Variants in CACNA1D observed in about 807,000 individuals in gnomAD.
CACNA1D encodes calcium voltage-gated channel subunit alpha1 D, also known as voltage-dependent L-type calcium channel subunit alpha-1D.
A neutral mutation model predicts 257.1 loss-of-function variants in CACNA1D; 55 were observed. The ratio of observed to expected loss-of-function variants is 0.21; its 90% CI spans 0.17 to 0.27. CACNA1D has a LOEUF of 0.27. CACNA1D is among the 10% of genes least tolerant of loss of function. The pLI is 1.00. For synonymous variants in CACNA1D, 980 were observed against 1,014.9 expected (o/e 0.97, Z 0.65); for missense variants, 1,876 against 2,784.0 (o/e 0.67, Z 7.34).
chr3:53,563,736 T>G (rs1249866983), intron 3 of CACNA1D, among the ~76,000 whole-genome samples: 1 of 152,218 alleles, frequency 6.6e-6, no homozygotes, highest in African/African-American at 2.4e-5. Flanking sequence ...TAGTTTTCAT[T>G]GTTCTTTTGT....
chr3:53,680,473 G>A (rs62251938), intron 8 of CACNA1D, among the ~76,000 whole-genome samples: 30,783 of 151,978 alleles, frequency 0.2, 3,615 homozygotes, highest in East Asian at 0.45. Flanking sequence ...TTCTCTGTCC[G>A]CAGTTCCCCC....
At chr3:53,736,600 G>GTTA (rs1403572664) in intron 20 of CACNA1D, among the ~76,000 whole-genome samples, 1 of 152,084 alleles carries the variant, frequency 6.6e-6, no homozygotes, top group Non-Finnish European at 1.5e-5. Context: ...TATACAAAGA[G>GTTA]TTATTAATTG....
chr3:53,597,992 G>T (rs2093392102), intron 3 of CACNA1D, among the ~76,000 whole-genome samples: 1 of 152,164 alleles, frequency 6.6e-6, no homozygotes, highest in Non-Finnish European at 1.5e-5. Context: ...TTTCCTGGCA[G>T]TTTGATGTTT....
At chr3:53,710,393 A>C (rs1242996647) in intron 9 of CACNA1D, 2 of 456,612 alleles carry the variant, frequency 4.4e-6, no homozygotes, top group Non-Finnish European at 8.8e-6. Context: ...TTCAACCTGA[A>C]GGGGTCACAG....
intron 39 of CACNA1D, chr3:53,782,258 G>GTATATATATATA (rs1475863956): frequency 1.9e-5 from 1 of 52,136 alleles, no homozygotes; most frequent in Non-Finnish European, 3.2e-5. Context: ...GTGTGTGTGT[G>GTATATATATATA]TGTGTGTATA....
chr3:53,730,616 T>A, intron 16 of CACNA1D, 60 bp downstream of exon 16: 1 of 1,254,800 alleles, frequency 8.0e-7, no homozygotes, highest in Non-Finnish European at 1.2e-6. Context: ...CCTGCAACAG[T>A]TGCAGCCTGC....
chr3:53,677,475 T>C (rs1374461655), intron 8 of CACNA1D, among the ~76,000 whole-genome samples: 1 of 152,250 alleles, frequency 6.6e-6, no homozygotes, highest in African/African-American at 2.4e-5. Context: ...TAAAGGGTTT[T>C]TCTAATTTAA....
At chr3:53,621,078 C>T (rs1487579659) in intron 3 of CACNA1D, among the ~76,000 whole-genome samples, 3 of 152,180 alleles carry the variant, frequency 2.0e-5, no homozygotes, top group Non-Finnish European at 4.4e-5. Context: ...CCTTCCTTAC[C>T]CCATTGAGTA....
intron 12 of CACNA1D, 91 bp downstream of exon 12, chr3:53,722,565 T>G: frequency 7.8e-7 from 1 of 1,278,130 alleles, no homozygotes; most frequent in Non-Finnish European, 1.1e-6. Context: ...CGCTGCATGA[T>G]GAAGTATCGC....
intron 15 of CACNA1D, among the ~76,000 whole-genome samples, chr3:53,730,042 T>C (rs1289403893): frequency 6.6e-6 from 1 of 150,564 alleles, no homozygotes; most frequent in Non-Finnish European, 1.5e-5. Context: ...AGTTGTAGTA[T>C]GTGTTTAAAA....
chr3:53,513,712 C>T (rs867834365), intron 3 of CACNA1D, among the ~76,000 whole-genome samples: 1 of 152,228 alleles, frequency 6.6e-6, no homozygotes, highest in African/African-American at 2.4e-5. Context: ...TTCACATTCA[C>T]TCATCACTAC....
intron 12 of CACNA1D, 96 bp downstream of exon 12, chr3:53,722,570 T>A: frequency 1.6e-6 from 2 of 1,231,792 alleles, no homozygotes; most frequent in Non-Finnish European, 2.4e-6. Flanking sequence ...CATGATGAAG[T>A]ATCGCAACAT....
chr3:53,755,306 T>A (rs1056148710), intron 29 of CACNA1D, among the ~76,000 whole-genome samples: 1 of 152,128 alleles, frequency 6.6e-6, no homozygotes, highest in South Asian at 2.1e-4. Flanking sequence ...GAAAGCACAC[T>A]CACCCATGGT....
intron 3 of CACNA1D, among the ~76,000 whole-genome samples, chr3:53,556,270 A>G (rs1362432514): frequency 6.6e-6 from 1 of 152,242 alleles, no homozygotes; most frequent in Non-Finnish European, 1.5e-5. Context: ...ATAGATGTTC[A>G]CTAGCGTAAA....
At chr3:53,528,735 TTTTA>T (rs1187738742) in intron 3 of CACNA1D, among the ~76,000 whole-genome samples, 1 of 152,144 alleles carries the variant, frequency 6.6e-6, no homozygotes, top group Non-Finnish European at 1.5e-5. Context: ...CTTACATGTA[TTTTA>T]TTTATCCCTA....
intron 22 of CACNA1D, 146 bp from the exon 23 acceptor site, chr3:53,744,594 G>C (rs2304577): frequency 2.6e-5 from 19 of 722,734 alleles, no homozygotes; most frequent in Non-Finnish European, 4.3e-5. Context: ...CCTCTGAGTC[G>C]TGAAGAGAGA....
intron 3 of CACNA1D, among the ~76,000 whole-genome samples, chr3:53,557,305 A>C (rs1575859009): frequency 6.6e-6 from 1 of 151,882 alleles, no homozygotes; most frequent in South Asian, 2.1e-4. Context: ...GACCAGCCTG[A>C]CCAACATGGA....
Position 53,723,434 on chromosome 3 carries a change from A to G in CACNA1D, c.1667A>G (p.Asp556Gly). The change falls in exon 13 of 48, where the codon GAT becomes GGT. Residue 556 changes from aspartate to glycine, a missense_variant and splice_region_variant. This residue lies in a region of CACNA1D where 257 missense variants were observed against 399.7 expected (regional missense o/e 0.64). Transcript: ENST00000350061. This position sits in a 1 kb window ranked among gnomAD's most constrained non-coding sequence, Gnocchi z 5.6. Reference sequence around the variant, plus strand: ...GATGGGTGCCCCTTTGTCTTTCCAGATATTGCCAACAAAGTCCTCTTGGCT... The same window carrying G: ...GATGGGTGCCCCTTTGTCTTTCCAGGTATTGCCAACAAAGTCCTCTTGGCT... ...NQPDWLTQIQ[D>G]IANKVLLALF... 5 of 1,613,320 alleles carry G rather than the reference A, an allele frequency of 3.1e-6. No homozygotes were observed. The highest frequency in any genetic ancestry group is 2.2e-5 in the South Asian group (2 of 91,062).
intron 15 of CACNA1D, among the ~76,000 whole-genome samples, chr3:53,729,834 A>G (rs1024587999): frequency 6.6e-6 from 1 of 152,222 alleles, no homozygotes. Context: ...GTCCAGCACC[A>G]GGTGGCAGTA....
Sources: allele counts gnomAD v4.1 joint callset (sites outside exome capture counted in the v4.1 genomes callset), GRCh38; gene constraint gnomAD v4.1.1; regional missense constraint gnomAD v4.1.1; non-coding constraint Gnocchi (gnomAD v3.1); transcripts MANE v1.5; gene names NCBI Gene and HGNC (gene_info 2026-07-23, HGNC 2026-07-21).